CDH13: variants seen among roughly 807,000 people sequenced by gnomAD.
CDH13 encodes cadherin 13.
In CDH13, 24 loss-of-function variants were observed where a neutral mutation model predicts 63.8. The observed-to-expected ratio is 0.38, with a 90% CI of 0.27 to 0.53. CDH13 has a LOEUF of 0.53. Ranked by LOEUF, CDH13 falls within the 20% of genes least tolerant of loss-of-function variation. The pLI is 0.85. For missense variants in CDH13, 1,049 were observed against 903.1 expected (o/e 1.16, Z -2.07); for synonymous variants, 503 against 355.3 (o/e 1.42, Z -4.67).
rs115385001 is a variant in CDH13 at position 83,752,297 on chromosome 16, G to A, written c.1681+4047G>A. 3.3e-3 allele frequency among the ~76,000 whole-genome samples: 508 copies of A among 152,330 alleles called. 4 individuals are homozygous for A. The highest frequency in any genetic ancestry group is 0.012 in the African/African-American group (492 of 41,576). ...CGGTATACTTGAATTGTTACCAGAA[G>A]CGAGAGCCTTCTTTACATGTATGCA... On this transcript the variant is annotated intron_variant, in intron 11 of 13. Coordinates refer to ENST00000567109, the MANE Select transcript of CDH13 (RefSeq NM_001257.5).
At chr16:82,831,549 C>A (rs1247112401) in intron 1 of CDH13, among the ~76,000 whole-genome samples, 2 of 152,046 alleles carry the variant, frequency 1.3e-5, no homozygotes, top group Non-Finnish European at 2.9e-5. Flanking sequence ...GATTTCCTGA[C>A]AATAAAGGGG....
At chr16:83,594,229 T>C (rs1244248478) in intron 7 of CDH13, among the ~76,000 whole-genome samples, 1 of 152,206 alleles carries the variant, frequency 6.6e-6, no homozygotes, top group South Asian at 2.1e-4. Flanking sequence ...TACTAAATAA[T>C]AGCAGTAGCA....
chr16:82,681,643 G>A (rs574114773), intron 1 of CDH13, among the ~76,000 whole-genome samples: 1 of 152,170 alleles, frequency 6.6e-6, no homozygotes, highest in African/African-American at 2.4e-5. Context: ...GATGCTCCTG[G>A]TGCCCCCGTT....
intron 1 of CDH13, among the ~76,000 whole-genome samples, chr16:82,669,843 G>T (rs1244611862): frequency 1.3e-5 from 2 of 152,184 alleles, no homozygotes; most frequent in East Asian, 1.9e-4. Flanking sequence ...TCACTTTAGG[G>T]AGTTGACAAA....
At chr16:83,501,157 A>G (rs775163232) in intron 7 of CDH13, among the ~76,000 whole-genome samples, 12 of 152,242 alleles carry the variant, frequency 7.9e-5, no homozygotes, top group Non-Finnish European at 1.0e-4. Flanking sequence ...CACAAATTCC[A>G]ACAGGCAACT....
intron 11 of CDH13, among the ~76,000 whole-genome samples, chr16:83,776,761 A>G (rs1915143172): frequency 6.6e-6 from 1 of 152,170 alleles, no homozygotes; most frequent in South Asian, 2.1e-4. Flanking sequence ...ATTATGGGTC[A>G]TTGACTCCTC....
At chr16:83,683,715 ATCCTGAAGACAAG>A (rs1904276374) in intron 10 of CDH13, among the ~76,000 whole-genome samples, 1 of 152,246 alleles carries the variant, frequency 6.6e-6, no homozygotes, top group South Asian at 2.1e-4. Flanking sequence ...CATCATTAAT[ATCCTGAAGACAAG>A]TCCCTGAAAA....
chr16:83,691,335 G>C (rs1444594251), intron 10 of CDH13, among the ~76,000 whole-genome samples: 1 of 152,158 alleles, frequency 6.6e-6, no homozygotes, highest in Non-Finnish European at 1.5e-5. Flanking sequence ...TTGTGCTACA[G>C]ATAGAAGCCT....
intron 1 of CDH13, among the ~76,000 whole-genome samples, chr16:82,713,454 C>T (rs376505896): frequency 6.6e-6 from 1 of 152,154 alleles, no homozygotes; most frequent in Non-Finnish European, 1.5e-5. Flanking sequence ...GAAACCCTTT[C>T]CCTGCCTGCC....
intron 10 of CDH13, among the ~76,000 whole-genome samples, chr16:83,729,612 A>G (rs1024724809): frequency 1.3e-5 from 2 of 152,196 alleles, no homozygotes; most frequent in African/African-American, 4.8e-5. Flanking sequence ...CCAGCTACTT[A>G]GTCCCTCACC....
chr16:82,643,712 T>C (rs1260262118), intron 1 of CDH13, among the ~76,000 whole-genome samples: 1 of 152,020 alleles, frequency 6.6e-6, no homozygotes, highest in Non-Finnish European at 1.5e-5. Flanking sequence ...GCTGCAAAGC[T>C]CTCAGAGACT....
rs183243894 is a variant in CDH13 at position 83,072,089 on chromosome 16, T to G, written c.366+39871T>G. On this transcript the variant is annotated intron_variant, in intron 3 of 13. Transcript: ENST00000567109. The stretch of plus-strand genomic sequence containing the variant: ...ACCCAGTGCATGCAAATATGATTAT[T>G]TCAACATTTAGTCAAGTCGAAAATT... Among the ~76,000 whole-genome samples the G allele has an allele frequency of 8.5e-5, 13 of 152,312 alleles. 1 individual carries two copies. In the East Asian group the frequency reaches 2.5e-3, roughly 29 times the overall value.
chr16:83,005,263 C>A (rs1913365802), intron 2 of CDH13, among the ~76,000 whole-genome samples: 1 of 152,184 alleles, frequency 6.6e-6, no homozygotes, highest in African/African-American at 2.4e-5. Context: ...TCATTGTCTC[C>A]ACTCAAAGAT....
intron 2 of CDH13, among the ~76,000 whole-genome samples, chr16:82,901,504 G>A (rs1051764660): frequency 6.6e-6 from 1 of 152,084 alleles, no homozygotes; most frequent in African/African-American, 2.4e-5. Context: ...TAGTGAACAA[G>A]CAAGTGTGTG....
At chr16:83,546,993 T>C (rs1262543886) in intron 7 of CDH13, among the ~76,000 whole-genome samples, 1 of 152,184 alleles carries the variant, frequency 6.6e-6, no homozygotes, top group East Asian at 1.9e-4. Context: ...ACAGCCTGGC[T>C]TCAACTTCAA....
intron 4 of CDH13, among the ~76,000 whole-genome samples, chr16:83,148,759 G>T (rs1370581123): frequency 6.6e-6 from 1 of 152,138 alleles, no homozygotes; most frequent in Admixed American, 6.5e-5. Flanking sequence ...TTTTGAAGAT[G>T]CAGAGACAGA....
intron 4 of CDH13, among the ~76,000 whole-genome samples, chr16:83,210,096 G>A (rs553468474): frequency 6.6e-6 from 1 of 150,902 alleles, no homozygotes; most frequent in East Asian, 1.9e-4. Context: ...ACAGAGTCTC[G>A]CTCTGTCATC....
intron 2 of CDH13, chr16:82,953,493 A>G (rs1396802698): frequency 2.6e-5 from 4 of 152,204 alleles, no homozygotes; most frequent in Admixed American, 6.5e-5. Flanking sequence ...AAGCTTCACA[A>G]ACAAAAACAT....
At chr16:83,631,342 T>G (rs976277144) in intron 8 of CDH13, among the ~76,000 whole-genome samples, 2 of 109,220 alleles carry the variant, frequency 1.8e-5, no homozygotes, top group Admixed American at 2.0e-4. Flanking sequence ...TAATCAGATT[T>G]TGAGTGTTTG....
Sources: allele counts gnomAD v4.1 joint callset (sites outside exome capture counted in the v4.1 genomes callset), GRCh38; gene constraint gnomAD v4.1.1; transcripts MANE v1.5; gene names NCBI Gene and HGNC (gene_info 2026-07-23, HGNC 2026-07-21).